GPR149: variants seen among roughly 807,000 people sequenced by gnomAD.
GPR149 encodes probable G protein-coupled receptor 149.
Under a neutral mutation model 50.2 loss-of-function variants are expected in GPR149, and 50 were observed. That is an observed-to-expected ratio of 1.00 (90% confidence interval 0.79 to 1.26). The LOEUF is 1.26. Ranked by LOEUF, GPR149 falls within the 50% of genes most tolerant of loss-of-function variation. The pLI, the probability that GPR149 is intolerant of heterozygous loss-of-function variation, is 0.00. For synonymous variants in GPR149, 405 were observed against 358.2 expected (o/e 1.13, Z -1.48); for missense variants, 983 against 895.4 (o/e 1.10, Z -1.25).
chr3:154,393,519 C>G (rs1285321781), intron 3 of GPR149, among the ~76,000 whole-genome samples: 1 of 151,932 alleles, frequency 6.6e-6, no homozygotes, highest in Non-Finnish European at 1.5e-5. Flanking sequence ...AGACCAGGAA[C>G]AAGGCAAGGA....
At chr3:154,427,428 C>T in intron 2 of GPR149, 88 bp downstream of exon 2, 1 of 1,143,998 alleles carries the variant, frequency 8.7e-7, no homozygotes, top group Non-Finnish European at 1.2e-6. Flanking sequence ...CTCTCCATCC[C>T]CTACTGAGGC....
At chr3:154,368,527 T>A (rs1209136718) in intron 3 of GPR149, among the ~76,000 whole-genome samples, 2 of 152,238 alleles carry the variant, frequency 1.3e-5, no homozygotes, top group African/African-American at 4.8e-5. Flanking sequence ...CACATAGGTT[T>A]TCCCCTTCCT....
chr3:154,379,672 G>A (rs1336982238), intron 3 of GPR149, among the ~76,000 whole-genome samples: 1 of 152,120 alleles, frequency 6.6e-6, no homozygotes, highest in African/African-American at 2.4e-5. Flanking sequence ...TGATATCCAA[G>A]TGTCCCAGCA....
In GPR149 at chr3:154,429,394, C is replaced by G. The variant is rs775138006; in HGVS notation, c.222G>C (p.Trp74Cys). ...GGACGCTCATGAGATCATCCACAGACCAGGAAGCCACAAGCATGGACACAA... is the reference window on the plus strand; with the variant it reads ...GGACGCTCATGAGATCATCCACAGAGCAGGAAGCCACAAGCATGGACACAA... ...RTVVSMLVAS[W>C]SVDDLMSVLS... The change falls in exon 1 of 4, where the codon TGG becomes TGC. Residue 74 changes from tryptophan to cysteine, a missense_variant. Trp to Cys is a radical substitution (Grantham distance 215). Transcript: ENST00000389740. The G allele has an allele frequency of 6.2e-7, 1 of 1,614,056 alleles. No homozygotes were observed.
intron 3 of GPR149, among the ~76,000 whole-genome samples, chr3:154,342,568 C>A (rs541822885): frequency 6.6e-6 from 1 of 152,140 alleles, no homozygotes. Context: ...CCCACCAGGA[C>A]TGGCTCATTT....
intron 3 of GPR149, among the ~76,000 whole-genome samples, chr3:154,371,430 C>T (rs1331810419): frequency 1.3e-5 from 2 of 152,118 alleles, no homozygotes; most frequent in African/African-American, 4.8e-5. Context: ...ACACGTGAGC[C>T]CTTATTGTCC....
intron 3 of GPR149, among the ~76,000 whole-genome samples, chr3:154,399,740 A>G (rs1711506683): frequency 6.6e-6 from 1 of 152,198 alleles, no homozygotes; most frequent in African/African-American, 2.4e-5. Flanking sequence ...CACTATTATT[A>G]GGAAGTCTTT....
chr3:154,345,885 C>T (rs1005680203), intron 3 of GPR149, among the ~76,000 whole-genome samples: 5 of 152,128 alleles, frequency 3.3e-5, no homozygotes, highest in African/African-American at 1.2e-4. Flanking sequence ...AAAAAGAACT[C>T]ATAGCCAGAG....
intron 3 of GPR149, among the ~76,000 whole-genome samples, chr3:154,393,767 T>C (rs1435152396): frequency 6.6e-6 from 1 of 152,000 alleles, no homozygotes; most frequent in Non-Finnish European, 1.5e-5. Flanking sequence ...TGTGTTTCTA[T>C]ATACTAACAA....
intron 3 of GPR149, among the ~76,000 whole-genome samples, chr3:154,395,734 T>C: frequency 6.6e-6 from 1 of 152,094 alleles, no homozygotes; most frequent in Non-Finnish European, 1.5e-5. Flanking sequence ...GTTGGAGGCT[T>C]CAGTGAGCTA....
intron 3 of GPR149, among the ~76,000 whole-genome samples, chr3:154,407,638 T>C (rs1423440317): frequency 6.6e-6 from 1 of 151,336 alleles, no homozygotes; most frequent in African/African-American, 2.4e-5. Context: ...GAAATATAGA[T>C]AAACACATAA....
intron 3 of GPR149, among the ~76,000 whole-genome samples, chr3:154,341,245 T>C (rs1251129771): frequency 7.0e-6 from 1 of 142,322 alleles, no homozygotes; most frequent in Non-Finnish European, 1.5e-5. Flanking sequence ...TTGTCTAACA[T>C]TGTTCTGGAG....
intron 3 of GPR149, among the ~76,000 whole-genome samples, chr3:154,369,964 C>T (rs967094809): frequency 6.6e-6 from 1 of 152,156 alleles, no homozygotes; most frequent in African/African-American, 2.4e-5. Flanking sequence ...CACTGTAGAC[C>T]CTTATTGGGA....
At chr3:154,351,470 A>G (rs1714080333) in intron 3 of GPR149, among the ~76,000 whole-genome samples, 1 of 152,134 alleles carries the variant, frequency 6.6e-6, no homozygotes, top group Non-Finnish European at 1.5e-5. Context: ...TTGAGATCTA[A>G]GGCTAGGAAG....
Position 154,426,008 on chromosome 3 carries a change from G to A in GPR149, c.1174+1508C>T, listed in dbSNP as rs147741912. Among the ~76,000 whole-genome samples the A allele has an allele frequency of 2.7e-3, 416 of 152,168 alleles. 1 individual carries two copies. The highest frequency in any genetic ancestry group is 9.5e-3 in the African/African-American group (393 of 41,538). On this transcript the variant is annotated intron_variant, in intron 2 of 3. Transcript: ENST00000389740. ...TCACAATTTTAGATGTTGTAAGACC[G>A]GGCTCGTTCACTAGTTTAGTGGCAA...
At position 154,335,364 on chromosome 3, in the gene GPR149, C is replaced by T. The variant is rs978304105; in HGVS notation, c.*2335G>A. On this transcript the variant is annotated 3_prime_UTR_variant, in exon 4 of 4. Transcript: ENST00000389740. ...AAGTAAACTTATGTAGTTTAACCTT[C>T]TCCTCCCTTAACAAGGATTTGGAGC... The T allele has an allele frequency of 1.3e-5, 2 of 152,096 alleles. No individual in the cohort carries two copies. Among genetic ancestry groups the T allele is most frequent in the Non-Finnish European group, 2.9e-5 (2 of 67,982 alleles). The allele number at this position is 152,096 out of a possible 1,614,324, so 9.4% of individuals were successfully genotyped here. A position where few individuals can be genotyped will look rare whatever the true frequency, so the allele number is the denominator to read the frequency against.
chr3:154,410,301 A>T (rs550908759), intron 3 of GPR149, among the ~76,000 whole-genome samples: 16 of 152,262 alleles, frequency 1.1e-4, no homozygotes, highest in Non-Finnish European at 1.9e-4. Context: ...ATCTCATAGG[A>T]CCTATATAAC....
intron 3 of GPR149, among the ~76,000 whole-genome samples, chr3:154,372,057 C>A (rs960467545): frequency 2.0e-5 from 3 of 151,912 alleles, no homozygotes; most frequent in Non-Finnish European, 1.5e-5. Context: ...AGGGCCCCTT[C>A]TTCGCCCCTC....
At chr3:154,353,513 C>T (rs1169314705) in intron 3 of GPR149, 2 of 895,440 alleles carry the variant, frequency 2.2e-6, no homozygotes, top group Non-Finnish European at 3.8e-6. Flanking sequence ...AGCCACTCTG[C>T]AGATGATCTT....
Sources: gnomAD v4.1 joint callset for allele counts (sites outside exome capture counted in the v4.1 genomes callset) on GRCh38, gnomAD v4.1.1 for gene constraint, MANE v1.5 for transcripts, NCBI Gene and HGNC (gene_info 2026-07-23, HGNC 2026-07-21) for gene names.